The following MEGF10 variants were observed in gnomAD, a reference collection of about 807,000 sequenced individuals.
The protein encoded by MEGF10 is multiple EGF like domains 10.
Under a neutral mutation model 147.5 loss-of-function variants are expected in MEGF10, and 86 were observed. The observed-to-expected ratio is 0.58, with a 90% CI of 0.49 to 0.70. The LOEUF is 0.70. Ranked by LOEUF, MEGF10 falls within the 30% of genes least tolerant of loss-of-function variation. The probability of loss-of-function intolerance (pLI) is 0.00; values close to 1 mark genes in which losing one functional copy is unlikely to be tolerated. For synonymous variants in MEGF10, 478 were observed against 525.5 expected (o/e 0.91, Z 1.24); for missense variants, 1,329 against 1,487.3 (o/e 0.89, Z 1.75).
intron 13 of MEGF10, among the ~76,000 whole-genome samples, chr5:127,423,598 C>T (rs1765105031): frequency 6.6e-6 from 1 of 152,126 alleles, no homozygotes; most frequent in African/African-American, 2.4e-5. Context: ...TCAGTGGTAT[C>T]TCATTGTGGT....
At chr5:127,414,369 A>G (rs183115433) in intron 9 of MEGF10, among the ~76,000 whole-genome samples, 82 of 151,590 alleles carry the variant, frequency 5.4e-4, no homozygotes, top group African/African-American at 1.7e-3. Context: ...GGATCATACC[A>G]TCTAGGATGG....
At chr5:127,295,133 T>G (rs183386696) in intron 1 of MEGF10, among the ~76,000 whole-genome samples, 1 of 152,328 alleles carries the variant, frequency 6.6e-6, no homozygotes, top group East Asian at 1.9e-4. Context: ...AATACTGTCT[T>G]TCCTTCTTTC....
chr5:127,378,153 C>A (rs1287357563), intron 5 of MEGF10, among the ~76,000 whole-genome samples: 3 of 152,170 alleles, frequency 2.0e-5, no homozygotes, highest in Non-Finnish European at 4.4e-5. Context: ...GAATTGCTAT[C>A]CCCCTAACTG....
At chr5:127,412,524 G>A (rs1473684624) in intron 9 of MEGF10, among the ~76,000 whole-genome samples, 1 of 152,084 alleles carries the variant, frequency 6.6e-6, no homozygotes, top group East Asian at 1.9e-4. Context: ...ATATACTAAA[G>A]CCTTCCATTA....
intron 1 of MEGF10, among the ~76,000 whole-genome samples, chr5:127,326,343 C>G (rs1761031126): frequency 6.6e-6 from 1 of 151,988 alleles, no homozygotes; most frequent in Non-Finnish European, 1.5e-5. Context: ...TGACATGAAG[C>G]CCTCAAAACA....
the MEGF10 span, among the ~76,000 whole-genome samples, chr5:127,250,403 T>G: frequency 2.0e-5 from 3 of 151,900 alleles, no homozygotes; most frequent in Non-Finnish European, 4.4e-5. Context: ...AAAAAAAATT[T>G]ATGACATTTC....
intron 17 of MEGF10, among the ~76,000 whole-genome samples, chr5:127,439,458 GA>G (rs1012411531): frequency 6.6e-6 from 1 of 152,130 alleles, no homozygotes; most frequent in Admixed American, 6.5e-5. Context: ...AGAATAGGCT[GA>G]AAAAGTCTTA....
chr5:127,285,222 A>G, the MEGF10 span, among the ~76,000 whole-genome samples: 1 of 152,156 alleles, frequency 6.6e-6, no homozygotes, highest in Non-Finnish European at 1.5e-5. Context: ...TCCCAATATC[A>G]TGATTTCAAC....
chr5:127,450,141 T>C (rs1361505987), intron 22 of MEGF10, among the ~76,000 whole-genome samples: 1 of 152,246 alleles, frequency 6.6e-6, no homozygotes, highest in East Asian at 1.9e-4. Context: ...TCATACTTTA[T>C]GTAGCTTCTG....
At chr5:127,377,478 G>C (rs1580784922) in intron 5 of MEGF10, among the ~76,000 whole-genome samples, 1 of 152,160 alleles carries the variant, frequency 6.6e-6, no homozygotes, top group Admixed American at 6.5e-5. Flanking sequence ...GTTTTATTGA[G>C]TCACTAATAG....
the MEGF10 span, among the ~76,000 whole-genome samples, chr5:127,268,361 G>A: frequency 6.6e-6 from 1 of 152,244 alleles, no homozygotes; most frequent in Non-Finnish European, 1.5e-5. Context: ...TTTGGAATAA[G>A]TGCGATGTGG....
At chr5:127,418,932 A>G (rs974259467) in intron 10 of MEGF10, among the ~76,000 whole-genome samples, 188 bp from the exon 11 acceptor site, 1 of 152,230 alleles carries the variant, frequency 6.6e-6, no homozygotes, top group African/African-American at 2.4e-5. Context: ...AACATAGACC[A>G]GCTAGTGTTG....
At chr5:127,287,551 C>T (rs1759067239), upstream of MEGF10, among the ~76,000 whole-genome samples, 1 of 151,738 alleles carries the variant, frequency 6.6e-6, no homozygotes, top group Non-Finnish European at 1.5e-5. Context: ...CTGCCATGTT[C>T]AAAGCTACAA....
At chr5:127,265,290 G>C in the MEGF10 span, among the ~76,000 whole-genome samples, 1 of 152,068 alleles carries the variant, frequency 6.6e-6, no homozygotes, top group Non-Finnish European at 1.5e-5. Flanking sequence ...TGGTGTATAT[G>C]TGCCACATTT....
intron 8 of MEGF10, 94 bp downstream of exon 8, chr5:127,402,776 T>C: frequency 7.7e-7 from 1 of 1,306,020 alleles, no homozygotes; most frequent in Non-Finnish European, 1.0e-6. Context: ...CATGTGTCCA[T>C]GACTCTTCCA....
chr5:127,257,036 TGG>T, the MEGF10 span, among the ~76,000 whole-genome samples: 1 of 152,100 alleles, frequency 6.6e-6, no homozygotes, highest in Admixed American at 6.6e-5. Flanking sequence ...CCAAGAACAA[TGG>T]CCTTGGGCAA....
chr5:127,410,676 G>T (rs1439635605), intron 9 of MEGF10, 75 bp downstream of exon 9: 1 of 1,331,078 alleles, frequency 7.5e-7, no homozygotes, highest in Non-Finnish European at 1.0e-6. Flanking sequence ...TGGAAGGAGG[G>T]ATTGATAGAG....
chr5:127,338,216 G>A (rs1225099643), intron 2 of MEGF10, among the ~76,000 whole-genome samples: 2 of 151,962 alleles, frequency 1.3e-5, no homozygotes, highest in Non-Finnish European at 2.9e-5. Flanking sequence ...TTTTTTGTTT[G>A]TGTGAATTAA....
At chr5:127,449,655 G>T (rs1766081592) in intron 22 of MEGF10, among the ~76,000 whole-genome samples, 1 of 152,162 alleles carries the variant, frequency 6.6e-6, no homozygotes. Flanking sequence ...CTGTCAGCTT[G>T]GCTCACAGCT....
Sources: gnomAD v4.1 joint callset for allele counts (sites outside exome capture counted in the v4.1 genomes callset) on GRCh38, gnomAD v4.1.1 for gene constraint, MANE v1.5 for transcripts, NCBI Gene and HGNC (gene_info 2026-07-23, HGNC 2026-07-21) for gene names.